CCDC171: variants seen among roughly 807,000 people sequenced by gnomAD.
CCDC171 encodes the protein coiled-coil domain-containing protein 171.
In CCDC171, 177 loss-of-function variants were observed where a neutral mutation model predicts 168.2. The observed-to-expected ratio is 1.05, with a 90% confidence interval of 0.93 to 1.19. CCDC171 has a LOEUF of 1.19. Among genes scored for constraint, CCDC171 ranks in the 50% most tolerant of loss-of-function variants. CCDC171 has a pLI of 0.00. For missense variants in CCDC171, 1,991 were observed against 1,539.0 expected (o/e 1.29, Z -4.91); for synonymous variants, 687 against 540.8 (o/e 1.27, Z -3.75).
the CCDC171 span, among the ~76,000 whole-genome samples, chr9:16,074,830 G>A: frequency 6.6e-6 from 1 of 152,190 alleles, no homozygotes; most frequent in African/African-American, 2.4e-5. Context: ...ATGGGCTGGA[G>A]AGATGAGAAG....
At chr9:15,824,792 T>G (rs2059944937) in intron 21 of CCDC171, among the ~76,000 whole-genome samples, 2 of 152,114 alleles carry the variant, frequency 1.3e-5, no homozygotes, top group Admixed American at 1.3e-4. Context: ...TAGAATGGTC[T>G]CTTCTGATTT....
At chr9:15,650,077 G>T (rs940522733) in intron 7 of CCDC171, among the ~76,000 whole-genome samples, 12 of 152,152 alleles carry the variant, frequency 7.9e-5, no homozygotes, top group Non-Finnish European at 1.3e-4. Context: ...CCATAAAAAA[G>T]GATGAGTTCA....
chr9:16,089,348 G>A, the CCDC171 span, among the ~76,000 whole-genome samples: 34 of 152,124 alleles, frequency 2.2e-4, no homozygotes, highest in Non-Finnish European at 2.6e-4. Flanking sequence ...TCTGATGGTA[G>A]TTTCTTTTGC....
chr9:15,579,657 G>C (rs1375484958), intron 4 of CCDC171, among the ~76,000 whole-genome samples: 2 of 152,168 alleles, frequency 1.3e-5, no homozygotes, highest in Admixed American at 1.3e-4. Context: ...CTACATGGAT[G>C]ACTACTATAC....
Position 15,846,689 on chromosome 9 carries a change from T to C in CCDC171, c.3268-13T>C, listed in dbSNP as rs756802983. 2.2e-5 allele frequency: 35 copies of C among 1,612,040 alleles called. No homozygotes were observed. Among genetic ancestry groups the C allele is most frequent in the Non-Finnish European group, 3.0e-5 (35 of 1,178,782 alleles). On this transcript the variant is annotated splice_polypyrimidine_tract_variant and intron_variant, in intron 21 of 25. Transcript: ENST00000380701. Reference sequence around the variant, plus strand: ...AGGGCTGACAAGTAACTCTGTTTTCTGTCTGCTTGCAGAGTCTCTCCGAGG... The same window carrying C: ...AGGGCTGACAAGTAACTCTGTTTTCCGTCTGCTTGCAGAGTCTCTCCGAGG...
intron 3 of CCDC171, among the ~76,000 whole-genome samples, chr9:16,016,386 C>T (rs776616370): frequency 5.3e-5 from 8 of 152,076 alleles, no homozygotes; most frequent in African/African-American, 1.2e-4. Flanking sequence ...CACATAGCTT[C>T]GCTCAGAGGC....
chr9:15,830,747 A>G (rs2060194948), intron 21 of CCDC171, among the ~76,000 whole-genome samples: 1 of 152,182 alleles, frequency 6.6e-6, no homozygotes, highest in Admixed American at 6.5e-5. Context: ...TATTATGCAT[A>G]TTTACAGTTC....
At chr9:15,657,045 T>C in intron 7 of CCDC171, 82 bp from the exon 8 acceptor site, 1 of 655,072 alleles carries the variant, frequency 1.5e-6, no homozygotes, top group Non-Finnish European at 2.5e-6. Flanking sequence ...TCTAAAGTGT[T>C]AATTATAATG....
chr9:16,025,880 C>T (rs539658950), intron 6 of CCDC171, among the ~76,000 whole-genome samples: 5 of 152,202 alleles, frequency 3.3e-5, no homozygotes, highest in Middle Eastern at 6.8e-3. Context: ...AGTGGTTGCA[C>T]AACATGAATG....
At chr9:15,877,838 A>G (rs1222634835) in intron 24 of CCDC171, among the ~76,000 whole-genome samples, 1 of 152,186 alleles carries the variant, frequency 6.6e-6, no homozygotes, top group Admixed American at 6.6e-5. Context: ...AATAATTATG[A>G]TATGTACTAT....
intron 11 of CCDC171, among the ~76,000 whole-genome samples, chr9:15,710,619 A>T (rs947945083): frequency 7.0e-6 from 1 of 143,006 alleles, no homozygotes; most frequent in African/African-American, 2.6e-5. Flanking sequence ...TTTTTTTGAG[A>T]TGGAGTCTCA....
chr9:15,944,609 C>G (rs1009664096), intron 25 of CCDC171, among the ~76,000 whole-genome samples: 2 of 151,966 alleles, frequency 1.3e-5, no homozygotes, highest in Non-Finnish European at 2.9e-5. Flanking sequence ...ACAGGCAGTT[C>G]AGCTCAAGAG....
At position 15,821,932 on chromosome 9, in the gene CCDC171, T is replaced by TTTTTA. The variant is rs2059789492; in HGVS notation, c.3268-24770_3268-24769insTTTTA. On this transcript the variant is annotated intron_variant, in intron 21 of 25. Transcript: ENST00000380701. ...GGCATCACGCTACCTGACTTCAAACTATACAACAAGGCTACAGTAACCAAA... is the reference window on the plus strand; with the variant it reads ...GGCATCACGCTACCTGACTTCAAACTTTTTAATACAACAAGGCTACAGTAACCAAA... Among the ~76,000 whole-genome samples, 3 of 49,002 alleles carry TTTTTA rather than the reference T, an allele frequency of 6.1e-5. 1 individual carries two copies. Among genetic ancestry groups the TTTTTA allele is most frequent in the Non-Finnish European group, 1.5e-4 (3 of 19,518 alleles). 32.1% of individuals were successfully genotyped at this position (49,002 alleles called of 152,430 possible). A position where few individuals can be genotyped will look rare whatever the true frequency, so the allele number is the denominator to read the frequency against.
At chr9:15,952,946 A>C (rs1829377008) in intron 25 of CCDC171, among the ~76,000 whole-genome samples, 1 of 152,112 alleles carries the variant, frequency 6.6e-6, no homozygotes, top group Non-Finnish European at 1.5e-5. Flanking sequence ...GATGCTATTT[A>C]AATGGAATTG....
chr9:15,828,576 C>G (rs1415100694), intron 21 of CCDC171, among the ~76,000 whole-genome samples: 2 of 152,144 alleles, frequency 1.3e-5, no homozygotes, highest in Non-Finnish European at 2.9e-5. Flanking sequence ...CACATTTCAT[C>G]TTGTACTGGA....
chr9:15,650,311 A>G (rs989263384), intron 7 of CCDC171, among the ~76,000 whole-genome samples: 2 of 152,028 alleles, frequency 1.3e-5, no homozygotes, highest in African/African-American at 2.4e-5. Flanking sequence ...TGATGAGTTG[A>G]TGGGTGCAGC....
chr9:15,935,500 G>A (rs762247239), intron 25 of CCDC171, among the ~76,000 whole-genome samples: 27 of 151,890 alleles, frequency 1.8e-4, no homozygotes, highest in Non-Finnish European at 3.4e-4. Flanking sequence ...GTTTTGTCTT[G>A]TTCCTGTGTC....
At chr9:15,742,447 C>G (rs2054944295) in intron 16 of CCDC171, among the ~76,000 whole-genome samples, 1 of 152,218 alleles carries the variant, frequency 6.6e-6, no homozygotes, top group Non-Finnish European at 1.5e-5. Context: ...TTTCCTCATG[C>G]TAGTCTTCCT....
At chr9:15,703,181 C>T (rs1177482704) in intron 11 of CCDC171, among the ~76,000 whole-genome samples, 3 of 152,200 alleles carry the variant, frequency 2.0e-5, no homozygotes, top group African/African-American at 7.2e-5. Flanking sequence ...GCTGGGATTA[C>T]AGGCCTGAGC....
Sources: allele counts gnomAD v4.1 joint callset (sites outside exome capture counted in the v4.1 genomes callset), GRCh38; gene constraint gnomAD v4.1.1; transcripts MANE v1.5; gene names NCBI Gene and HGNC (gene_info 2026-07-23, HGNC 2026-07-21).